Variants in ENTREP2 observed in about 807,000 individuals in gnomAD.
The protein encoded by ENTREP2 is protein ENTREP2.
At chr15:29,138,692 T>C in the ENTREP2 span, among the ~76,000 whole-genome samples, 7 of 113,722 alleles carry the variant, frequency 6.2e-5, no homozygotes, top group East Asian at 1.3e-3. Context: ...TATGTGTATG[T>C]GTGTGTATGC....
the ENTREP2 span, among the ~76,000 whole-genome samples, chr15:29,156,439 C>T: frequency 1.4e-4 from 22 of 152,200 alleles, no homozygotes; most frequent in South Asian, 4.2e-4. Flanking sequence ...CCACCCTCCT[C>T]GGCCTCCCAA....
the ENTREP2 span, among the ~76,000 whole-genome samples, chr15:29,178,173 G>A: frequency 6.6e-6 from 1 of 151,480 alleles, no homozygotes; most frequent in African/African-American, 2.4e-5. Flanking sequence ...ACGTGTCTAT[G>A]GTCCCAGCTA....
chr15:29,259,811 C>CATATATATATATATAT, the ENTREP2 span, among the ~76,000 whole-genome samples: 6 of 149,316 alleles, frequency 4.0e-5, no homozygotes, highest in African/African-American at 1.5e-4. Context: ...ATCCCATTTA[C>CATATATATATATATAT]ATATATATAT....
At chr15:29,654,673 C>T in the ENTREP2 span, among the ~76,000 whole-genome samples, 1 of 152,132 alleles carries the variant, frequency 6.6e-6, no homozygotes, top group Non-Finnish European at 1.5e-5. Flanking sequence ...ATACAAAATT[C>T]CTATTGCCAT....
the ENTREP2 span, among the ~76,000 whole-genome samples, chr15:29,362,414 AC>A: frequency 1.7e-5 from 2 of 118,664 alleles, no homozygotes; most frequent in Non-Finnish European, 3.2e-5. Flanking sequence ...TTGCTCTGTC[AC>A]CCAGGCTAGA....
At chr15:29,674,958 C>A in the ENTREP2 span, 1 of 153,280 alleles carries the variant, frequency 6.5e-6, no homozygotes, top group African/African-American at 2.4e-5. Flanking sequence ...CCGCCAGCCC[C>A]GCTGGCTTCC....
the ENTREP2 span, among the ~76,000 whole-genome samples, chr15:29,130,208 G>A: frequency 1.1e-4 from 16 of 152,254 alleles, no homozygotes; most frequent in Admixed American, 2.6e-4. Flanking sequence ...GCCCAAGTGC[G>A]TCCTTTGATC....
chr15:29,359,451 C>T, the ENTREP2 span, among the ~76,000 whole-genome samples: 1 of 152,206 alleles, frequency 6.6e-6, no homozygotes, highest in African/African-American at 2.4e-5. Context: ...CTTGCTCTGT[C>T]CCCCAGGCTG....
At chr15:29,404,689 C>T in the ENTREP2 span, among the ~76,000 whole-genome samples, 2 of 151,846 alleles carry the variant, frequency 1.3e-5, no homozygotes, top group African/African-American at 4.8e-5. Context: ...GCTCCATCCT[C>T]CAGGGTACCC....
At chr15:29,565,482 GAAT>G in the ENTREP2 span, among the ~76,000 whole-genome samples, 2 of 151,894 alleles carry the variant, frequency 1.3e-5, no homozygotes, top group Admixed American at 6.6e-5. Flanking sequence ...CCCAGCAGGA[GAAT>G]AACTGAATAA....
At chr15:29,269,814 G>C in the ENTREP2 span, 1 of 1,051,918 alleles carries the variant, frequency 9.5e-7, no homozygotes, top group African/African-American at 1.7e-5. Flanking sequence ...CGCAGTGTCG[G>C]CTGAGACTGC....
chr15:29,619,536 C>G, the ENTREP2 span, among the ~76,000 whole-genome samples: 3 of 152,052 alleles, frequency 2.0e-5, no homozygotes, highest in Non-Finnish European at 4.4e-5. Flanking sequence ...CACACAAACC[C>G]AGGCCTATCA....
At chr15:29,281,340 T>C in the ENTREP2 span, among the ~76,000 whole-genome samples, 1 of 152,190 alleles carries the variant, frequency 6.6e-6, no homozygotes, top group Non-Finnish European at 1.5e-5. Context: ...GTGGAGGTTA[T>C]ATAATAAGTG....
the ENTREP2 span, among the ~76,000 whole-genome samples, chr15:29,512,280 T>G: frequency 6.6e-6 from 1 of 152,148 alleles, no homozygotes; most frequent in Non-Finnish European, 1.5e-5. Context: ...AGCTATGAGC[T>G]GTCTTGGATT....
chr15:29,236,070 T>A, the ENTREP2 span, among the ~76,000 whole-genome samples: 5 of 152,104 alleles, frequency 3.3e-5, no homozygotes, highest in African/African-American at 1.2e-4. Flanking sequence ...ACAATTGATA[T>A]GAAAACTTTT....
chr15:29,587,160 TG>T, the ENTREP2 span, among the ~76,000 whole-genome samples: 1 of 134,750 alleles, frequency 7.4e-6, no homozygotes, highest in African/African-American at 2.6e-5. Context: ...TGTGTGTGTG[TG>T]TGTGTGTGTG....
chr15:29,608,378 C>T, the ENTREP2 span, among the ~76,000 whole-genome samples: 1 of 151,994 alleles, frequency 6.6e-6, no homozygotes, highest in Admixed American at 6.6e-5. Flanking sequence ...ATGGAAACTG[C>T]TCCTTCCTTT....
chr15:29,364,931 C>T, the ENTREP2 span, among the ~76,000 whole-genome samples: 2 of 152,144 alleles, frequency 1.3e-5, no homozygotes, highest in African/African-American at 4.8e-5. Context: ...CATTATCACT[C>T]AGAGTCCATG....
the ENTREP2 span, chr15:29,196,742 CA>C: frequency 1.8e-6 from 1 of 547,076 alleles, no homozygotes; most frequent in Non-Finnish European, 3.0e-6. Context: ...AGGAGGACTT[CA>C]AATTCCTATC....
Sources: gnomAD v4.1 joint callset for allele counts (sites outside exome capture counted in the v4.1 genomes callset) on GRCh38, gnomAD v4.1.1 for gene constraint, MANE v1.5 for transcripts, NCBI Gene and HGNC (gene_info 2026-07-23, HGNC 2026-07-21) for gene names.